HS3ST5: variants seen among roughly 807,000 people sequenced by gnomAD.
The protein encoded by HS3ST5 is heparan sulfate-glucosamine 3-sulfotransferase 5, also known as heparan sulfate glucosamine 3-O-sulfotransferase 5.
A neutral mutation model predicts 25.4 loss-of-function variants in HS3ST5; 10 were observed. The observed-to-expected ratio is 0.39, with a 90% CI of 0.24 to 0.67. The LOEUF (loss-of-function observed/expected upper bound fraction) is 0.67, where lower values mean the gene tolerates loss of function less well. Among genes scored for constraint, HS3ST5 ranks in the 30% least tolerant of loss-of-function variants. The pLI, the probability that HS3ST5 is intolerant of heterozygous loss-of-function variation, is 0.44. For synonymous variants in HS3ST5, 170 were observed against 162.4 expected (o/e 1.05, Z -0.36); for missense variants, 324 against 420.7 (o/e 0.77, Z 2.01).
chr6:114,213,811 C>T lies in HS3ST5; in HGVS notation c.-145+14774G>A, dbSNP rs116157548. The stretch of plus-strand genomic sequence containing the variant: ...TTTATCTCTACGATCCCCAGTCCAT[C>T]TTTGATCCCCACTCAGTCTCAGTTC... On this transcript the variant is annotated intron_variant, in intron 2 of 4. Transcript: ENST00000312719. Among the ~76,000 whole-genome samples the T allele has an allele frequency of 7.0e-3, 1,069 of 152,264 alleles. 16 individuals are homozygous for T. Among genetic ancestry groups the T allele is most frequent in the African/African-American group, 0.024 (1,014 of 41,558 alleles).
intron 3 of HS3ST5, among the ~76,000 whole-genome samples, chr6:114,085,963 G>A (rs866944964): frequency 9.3e-5 from 11 of 118,914 alleles, no homozygotes; most frequent in South Asian, 2.7e-4. Context: ...CAGCCACTTA[G>A]AGGAAAAACT....
rs183241775 is a variant in HS3ST5, at chr6:114,276,473, T to C, written c.-338-47695A>G. On this transcript the variant is annotated intron_variant, in intron 1 of 4. Coordinates refer to ENST00000312719, the MANE Select transcript of HS3ST5 (RefSeq NM_153612.4). ...TTTGTAATCAATGGGTAACTCATGC[T>C]TTTACACATAATAAGAGTAATCTTC... Among the ~76,000 whole-genome samples, 1,424 of 152,000 alleles carry C rather than the reference T, an allele frequency of 9.4e-3. 13 individuals carry two copies. The highest frequency in any genetic ancestry group is 0.015 in the Non-Finnish European group (1,042 of 67,902).
chr6:114,237,316 C>T (rs928009577), intron 1 of HS3ST5, among the ~76,000 whole-genome samples: 15 of 148,632 alleles, frequency 1.0e-4, no homozygotes, highest in Middle Eastern at 3.4e-3. Context: ...AAAAATAAAA[C>T]AAGATACGAG....
chr6:114,320,780 G>A (rs1233777200), intron 1 of HS3ST5, among the ~76,000 whole-genome samples: 1 of 152,008 alleles, frequency 6.6e-6, no homozygotes, highest in Non-Finnish European at 1.5e-5. Flanking sequence ...AATTTGCACA[G>A]CTAAAAACTA....
chr6:114,096,260 T>C (rs988708286), intron 3 of HS3ST5, among the ~76,000 whole-genome samples: 3 of 152,186 alleles, frequency 2.0e-5, no homozygotes, highest in Non-Finnish European at 4.4e-5. Context: ...TGTTAAAAAG[T>C]TCCAAACATG....
chr6:114,135,984 A>G lies in HS3ST5; in HGVS notation c.-33+32367T>C, dbSNP rs545783430. Among the ~76,000 whole-genome samples the G allele has an allele frequency of 3.9e-5, 6 of 152,364 alleles. No individual in the cohort carries two copies. The South Asian group carries it at 1.0e-3, about 26-fold the overall frequency. ...TTAGAATCCCATACCAGGAAGGCAG[A>G]GATCCTTGTGTTCTGCTTTATGTCT... On this transcript the variant is annotated intron_variant, in intron 3 of 4. Transcript: ENST00000312719.
chr6:114,148,735 A>G (rs1403794228), intron 3 of HS3ST5, among the ~76,000 whole-genome samples: 1 of 152,240 alleles, frequency 6.6e-6, no homozygotes, highest in Non-Finnish European at 1.5e-5. Context: ...GCCATAATTG[A>G]CAAATAAGAT....
At chr6:114,093,476 T>A (rs1273045077) in intron 3 of HS3ST5, among the ~76,000 whole-genome samples, 1 of 151,718 alleles carries the variant, frequency 6.6e-6, no homozygotes, top group Non-Finnish European at 1.5e-5. Context: ...CCTACCAGGC[T>A]TGGATTGGTT....
chr6:114,300,041 A>G (rs1022910122), intron 1 of HS3ST5, among the ~76,000 whole-genome samples: 1 of 152,180 alleles, frequency 6.6e-6, no homozygotes, highest in African/African-American at 2.4e-5. Context: ...AAATTATGCA[A>G]GTCTAAAAGA....
intron 3 of HS3ST5, among the ~76,000 whole-genome samples, chr6:114,080,256 G>A (rs962465070): frequency 1.3e-5 from 2 of 152,138 alleles, no homozygotes; most frequent in African/African-American, 4.8e-5. Flanking sequence ...GTAATCTTTT[G>A]AAAGGAGCCT....
At chr6:114,201,323 A>G (rs1399425200) in intron 2 of HS3ST5, among the ~76,000 whole-genome samples, 3 of 152,150 alleles carry the variant, frequency 2.0e-5, no homozygotes, top group Admixed American at 6.5e-5. Context: ...TCTTCTAAAC[A>G]TGTCTAGAAC....
intron 3 of HS3ST5, among the ~76,000 whole-genome samples, chr6:114,095,381 G>A (rs948249493): frequency 1.3e-5 from 2 of 152,006 alleles, no homozygotes; most frequent in Non-Finnish European, 2.9e-5. Flanking sequence ...CTTCATACCC[G>A]TCAAACTAGT....
chr6:114,231,692 G>A (rs2114537891), intron 1 of HS3ST5, among the ~76,000 whole-genome samples: 1 of 150,880 alleles, frequency 6.6e-6, no homozygotes, highest in Non-Finnish European at 1.5e-5. Flanking sequence ...TGCAATGATA[G>A]GAATGAGCAC....
At chr6:114,217,593 A>G (rs1317864091) in intron 2 of HS3ST5, among the ~76,000 whole-genome samples, 2 of 152,220 alleles carry the variant, frequency 1.3e-5, no homozygotes, top group African/African-American at 2.4e-5. Context: ...AGAACAGTCT[A>G]TATCTACTGA....
chr6:114,293,482 T>C (rs1250793148), intron 1 of HS3ST5, among the ~76,000 whole-genome samples: 2 of 152,288 alleles, frequency 1.3e-5, no homozygotes, highest in African/African-American at 2.4e-5. Flanking sequence ...AAGCTTAGCC[T>C]AGCTGCTGGG....
At chr6:114,188,973 T>A (rs1332609122) in intron 2 of HS3ST5, among the ~76,000 whole-genome samples, 1 of 152,158 alleles carries the variant, frequency 6.6e-6, no homozygotes, top group African/African-American at 2.4e-5. Flanking sequence ...CTCCATGCTT[T>A]CTCTTGGATT....
At chr6:114,095,036 T>C (rs1393829494) in intron 3 of HS3ST5, among the ~76,000 whole-genome samples, 1 of 152,222 alleles carries the variant, frequency 6.6e-6, no homozygotes, top group East Asian at 1.9e-4. Context: ...GACACCTTGA[T>C]GGCAGTCTTG....
chr6:114,153,380 C>T (rs188582547), intron 3 of HS3ST5, among the ~76,000 whole-genome samples: 7 of 152,062 alleles, frequency 4.6e-5, no homozygotes, highest in Admixed American at 1.3e-4. Flanking sequence ...ATTGGGATTT[C>T]GTTATATTTC....
At chr6:114,285,639 G>A (rs1479472758) in intron 1 of HS3ST5, among the ~76,000 whole-genome samples, 2 of 151,838 alleles carry the variant, frequency 1.3e-5, no homozygotes, top group East Asian at 2.0e-4. Flanking sequence ...ATTCCACAGC[G>A]AGGGGAACAA....
Sources: gnomAD v4.1 joint callset for allele counts (sites outside exome capture counted in the v4.1 genomes callset) on GRCh38, gnomAD v4.1.1 for gene constraint, MANE v1.5 for transcripts, NCBI Gene and HGNC (gene_info 2026-07-23, HGNC 2026-07-21) for gene names.